ZSWIM3: variants seen among roughly 807,000 people sequenced by gnomAD.
The protein encoded by ZSWIM3 is zinc finger SWIM domain-containing protein 3.
Under a neutral mutation model 47.5 loss-of-function variants are expected in ZSWIM3, and 27 were observed. The observed-to-expected ratio is 0.57, with a 90% CI of 0.42 to 0.78. The LOEUF (loss-of-function observed/expected upper bound fraction) is 0.78. Among genes scored for constraint, ZSWIM3 ranks in the 30% least tolerant of loss-of-function variants. The probability of loss-of-function intolerance (pLI) is 0.00; values close to 1 mark genes in which losing one functional copy is unlikely to be tolerated. For missense variants in ZSWIM3, 689 were observed against 861.3 expected (o/e 0.80, Z 2.50); for synonymous variants, 333 against 333.9 (o/e 1.00, Z 0.03).
At chr20:45,867,362 A>G (rs1985872155) in intron 1 of ZSWIM3, among the ~76,000 whole-genome samples, 1 of 152,212 alleles carries the variant, frequency 6.6e-6, no homozygotes, top group Admixed American at 6.5e-5. Flanking sequence ...CAGATGCTCC[A>G]GTCACTGTAG....
intron 1 of ZSWIM3, among the ~76,000 whole-genome samples, chr20:45,875,148 T>C (rs1986062097): frequency 6.8e-6 from 1 of 146,020 alleles, no homozygotes; most frequent in Admixed American, 7.2e-5. Flanking sequence ...GTTCACGCCA[T>C]TCTCCTGCCT....
intron 1 of ZSWIM3, among the ~76,000 whole-genome samples, chr20:45,861,960 C>T (rs991263962): frequency 6.6e-6 from 1 of 151,800 alleles, no homozygotes; most frequent in Non-Finnish European, 1.5e-5. Context: ...ACCCAGGAGG[C>T]GGAGGTTGCA....
intron 1 of ZSWIM3, among the ~76,000 whole-genome samples, chr20:45,865,632 G>C (rs1001519052): frequency 6.6e-6 from 1 of 152,124 alleles, no homozygotes. Context: ...CTTTGCCCTT[G>C]ACCTTGGGTA....
intron 1 of ZSWIM3, among the ~76,000 whole-genome samples, chr20:45,866,932 C>T (rs1354042289): frequency 3.3e-5 from 5 of 150,938 alleles, no homozygotes; most frequent in Non-Finnish European, 5.9e-5. Flanking sequence ...GTCAAAGATA[C>T]GTGCTCTGGG....
rs1986134848 is a variant in ZSWIM3, at chr20:45,877,623, G to C, written c.1065G>C (p.Gln355His). 1 of 1,614,174 alleles carries C rather than the reference G, an allele frequency of 6.2e-7. No homozygotes were observed. Among genetic ancestry groups the C allele is most frequent in the Non-Finnish European group, 8.5e-7 (1 of 1,180,016 alleles). The change falls in exon 2 of 2, where the codon CAG becomes CAC. Residue 355 changes from glutamine to histidine, a missense_variant. Gln to His is a conservative substitution (Grantham distance 24, BLOSUM62 0). Coordinates refer to ENST00000255152, the MANE Select transcript of ZSWIM3 (RefSeq NM_080752.4). ...TGAAAAATCTCTGCCAGATGTCCCA[G>C]GCCGTACTGGATGAGGATCTCTTCA... ...ASLKNLCQMS[Q>H]AVLDEDLFNF...
chr20:45,877,317 G>A lies in ZSWIM3; in HGVS notation c.759G>A (p.Val253=). The A allele has an allele frequency of 6.2e-7, 1 of 1,614,166 alleles. No homozygotes were observed. Among genetic ancestry groups the A allele is most frequent in the Non-Finnish European group, 8.5e-7 (1 of 1,180,040 alleles). The part of the protein sequence containing the change: ...ERESRVVHFA[V]LKAETVTSVA... ...AAAGTCGAGTGGTGCACTTTGCTGT[G>A]CTCAAGGCGGAGACAGTCACCTCTG... Residue 253 remains valine (V), a synonymous_variant, in exon 2 of 2, where the codon GTG becomes GTA. Transcript: ENST00000255152.
In ZSWIM3 at chr20:45,877,261, T is replaced by TA; in HGVS notation, c.704dup (p.Tyr235Ter). 6.2e-7 allele frequency: 1 copy of TA among 1,614,056 alleles called. No individual in the cohort carries two copies. The highest frequency in any genetic ancestry group is 1.7e-5 in the Admixed American group (1 of 59,992). The change falls in exon 2 of 2, where the codon TAT becomes TAAT. Residue 235 changes from tyrosine (Y) to a stop codon, truncating the protein, a stop_gained and frameshift_variant. Transcript: ENST00000255152. LOFTEE classifies it high-confidence loss of function. ...RVENTQGHIL[Y>*]AFLVENKERE... ...GGAGAACACCCAGGGCCACATCCTC[T>TA]ATGCTTTCTTGGTGGAGAACAAGGA...
At position 45,876,790 on chromosome 20, in the gene ZSWIM3, G is replaced by C; in HGVS notation, c.232G>C (p.Ala78Pro). Residue 78 changes from alanine (A) to proline (P), a missense_variant, in exon 2 of 2, where the codon GCG (alanine) becomes CCG (proline). By Grantham distance (27) the Ala-to-Pro change is conservative. Coordinates refer to ENST00000255152, the MANE Select transcript of ZSWIM3 (RefSeq NM_080752.4). ...AACGCGGGAGGCAGACATGTGCCCA[G>C]CGTACTTGCTCCTAAGGTACAACGA... ...KRTREADMCPAYLLLRYNERL... is the reference protein window; with the variant it reads ...KRTREADMCPPYLLLRYNERL... The C allele has an allele frequency of 6.2e-7, 1 of 1,614,162 alleles. No individual in the cohort carries two copies. Among genetic ancestry groups the C allele is most frequent in the Non-Finnish European group, 8.5e-7 (1 of 1,180,032 alleles).
In ZSWIM3 at chr20:45,878,763, G is replaced by A. The variant is rs1370180690; in HGVS notation, c.*114G>A. On this transcript the variant is annotated 3_prime_UTR_variant, in exon 2 of 2. Coordinates refer to ENST00000255152, the MANE Select transcript of ZSWIM3 (RefSeq NM_080752.4). Reference sequence around the variant, plus strand: ...TTTAGCCAATGTCTTCCTAGGTGGGGCTAGGAATATTGTTACAGTAGAGAG... The same window carrying A: ...TTTAGCCAATGTCTTCCTAGGTGGGACTAGGAATATTGTTACAGTAGAGAG... The A allele has an allele frequency of 2.0e-5, 27 of 1,325,032 alleles. No homozygotes were observed. The Middle Eastern group carries it at 7.5e-4, about 37-fold the overall frequency. The allele number at this position is 1,325,032 out of a possible 1,614,324, so 82.1% of individuals were successfully genotyped here.
chr20:45,878,076 C>T lies in ZSWIM3; in HGVS notation c.1518C>T (p.Ala506=), dbSNP rs772797826. The change falls in exon 2 of 2, where the codon GCC becomes GCT. Residue 506 remains alanine (A), a synonymous_variant. Coordinates refer to ENST00000255152, the MANE Select transcript of ZSWIM3 (RefSeq NM_080752.4). ...DTLHQSGSEL[A]YKLCHNEWEV... ...TGCACCAGAGTGGCTCTGAACTAGC[C>T]TACAAGCTGTGCCACAATGAGTGGG... 14 of 1,614,180 alleles carry T rather than the reference C, an allele frequency of 8.7e-6. No homozygotes were observed. In the South Asian group the frequency reaches 1.1e-4, roughly 13 times the overall value.
intron 1 of ZSWIM3, among the ~76,000 whole-genome samples, chr20:45,859,560 T>C (rs1967656): frequency 0.45 from 68,086 of 151,672 alleles, 17,334 homozygotes; most frequent in Admixed American, 0.57. Flanking sequence ...AGATCTGTGG[T>C]TAATTACTGA....
intron 1 of ZSWIM3, among the ~76,000 whole-genome samples, chr20:45,875,081 C>A (rs2145792492): frequency 6.8e-6 from 1 of 146,950 alleles, no homozygotes; most frequent in South Asian, 2.2e-4. Flanking sequence ...CTCTGTCACC[C>A]AGGCTGGAGT....
chr20:45,864,496 G>T (rs548371537), intron 1 of ZSWIM3, among the ~76,000 whole-genome samples: 1 of 152,284 alleles, frequency 6.6e-6, no homozygotes, highest in South Asian at 2.1e-4. Flanking sequence ...CAGGTGAGAT[G>T]ATATTAATAC....
At chr20:45,858,663 A>G (rs971683447) in intron 1 of ZSWIM3, among the ~76,000 whole-genome samples, 5 of 152,186 alleles carry the variant, frequency 3.3e-5, no homozygotes, top group East Asian at 3.8e-4. Flanking sequence ...ATGAGCCACT[A>G]TGCCTGGTCT....
rs777104903 is a variant in ZSWIM3 at position 45,878,548 on chromosome 20, C to A, written c.1990C>A (p.Gln664Lys). 1 of 1,614,208 alleles carries A rather than the reference C, an allele frequency of 6.2e-7. No homozygotes were observed. Among genetic ancestry groups the A allele is most frequent in the Non-Finnish European group, 8.5e-7 (1 of 1,180,044 alleles). The change falls in exon 2 of 2, where the codon CAG becomes AAG. Residue 664 changes from glutamine (Q) to lysine (K), a missense_variant. Gln to Lys is a moderately conservative substitution (Grantham distance 53, BLOSUM62 1). Coordinates refer to ENST00000255152, the MANE Select transcript of ZSWIM3 (RefSeq NM_080752.4). ...CTCCCAGCCATCTGAGCTCTTTCAGCAGCCAGGAGACTTTAAGGACGTGGG... is the reference window on the plus strand; with the variant it reads ...CTCCCAGCCATCTGAGCTCTTTCAGAAGCCAGGAGACTTTAAGGACGTGGG... ...GPSQPSELFQ[Q>K]PGDFKDVGRL...
chr20:45,877,048 G>T lies in ZSWIM3; in HGVS notation c.490G>T (p.Glu164Ter). ...ACAAGTGTCCTCAAAGCCAGAGCAG[G>T]AAGGCATCACTCCTTCTGACCTGGC... ...KVQVSSKPEQEGITPSDLAKI... is the reference protein window; with the variant it reads ...KVQVSSKPEQ The change falls in exon 2 of 2, where the codon GAA (glutamate) becomes TAA (stop). Residue 164 changes from glutamate (E) to a stop codon, truncating the protein, a stop_gained. Transcript: ENST00000255152. LOFTEE classifies it high-confidence loss of function. The T allele has an allele frequency of 1.2e-6, 2 of 1,614,204 alleles. No homozygotes were observed. The highest frequency in any genetic ancestry group is 1.7e-6 in the Non-Finnish European group (2 of 1,180,044).
intron 1 of ZSWIM3, among the ~76,000 whole-genome samples, chr20:45,863,086 A>T (rs1420426819): frequency 6.6e-6 from 1 of 151,892 alleles, no homozygotes. Flanking sequence ...TACCTGCTGT[A>T]CCTGGCTCTT....
chr20:45,857,770 G>A lies in ZSWIM3; in HGVS notation c.-56G>A, dbSNP rs1212165583. 1.9e-6 allele frequency: 3 copies of A among 1,594,484 alleles called. No individual in the cohort carries two copies. Among genetic ancestry groups the A allele is most frequent in the Non-Finnish European group, 2.6e-6 (3 of 1,168,614 alleles). On this transcript the variant is annotated 5_prime_UTR_variant, in exon 1 of 2. The change creates a new upstream start codon in the 5' untranslated region. Coordinates refer to ENST00000255152, the MANE Select transcript of ZSWIM3 (RefSeq NM_080752.4). ...CTCATAGTGTGACCTTTGACCCCTG[G>A]TGTGATCTTGGGCCCGGGCTGGGAC...
At chr20:45,873,962 T>A (rs1234767686) in intron 1 of ZSWIM3, among the ~76,000 whole-genome samples, 1 of 152,240 alleles carries the variant, frequency 6.6e-6, no homozygotes, top group Admixed American at 6.5e-5. Flanking sequence ...ATAATCAATT[T>A]AACTGCCGTT....
Sources: allele counts gnomAD v4.1 joint callset (sites outside exome capture counted in the v4.1 genomes callset), GRCh38; gene constraint gnomAD v4.1.1; transcripts MANE v1.5; gene names NCBI Gene and HGNC (gene_info 2026-07-23, HGNC 2026-07-21).